MAPK8: variants seen among roughly 807,000 people sequenced by gnomAD.
MAPK8 encodes mitogen-activated protein kinase 8.
A neutral mutation model predicts 52.9 loss-of-function variants in MAPK8; 13 were observed. The observed-to-expected ratio is 0.25, with a 90% confidence interval of 0.16 to 0.39. The LOEUF (loss-of-function observed/expected upper bound fraction) is 0.39, where lower values mean the gene tolerates loss of function less well. Ranked by LOEUF, MAPK8 falls within the 10% of genes least tolerant of loss-of-function variation. The probability of loss-of-function intolerance (pLI) is 1.00; values close to 1 mark genes in which losing one functional copy is unlikely to be tolerated. For missense variants in MAPK8, 300 were observed against 519.2 expected (o/e 0.58, Z 4.10); for synonymous variants, 191 against 169.8 (o/e 1.12, Z -0.97).
chr10:48,368,855 A>G (rs1848300130), intron 1 of MAPK8, among the ~76,000 whole-genome samples: 1 of 152,164 alleles, frequency 6.6e-6, no homozygotes. Flanking sequence ...GTTGTATCGC[A>G]TAGTGTCTTG....
intron 1 of MAPK8, among the ~76,000 whole-genome samples, chr10:48,396,071 A>G (rs552174119): frequency 5.9e-5 from 9 of 152,086 alleles, no homozygotes; most frequent in Non-Finnish European, 1.3e-4. Context: ...TCTTGTACCA[A>G]ATCCATAAAG....
intron 1 of MAPK8, among the ~76,000 whole-genome samples, chr10:48,316,955 T>C (rs971273829): frequency 1.3e-5 from 2 of 152,134 alleles, no homozygotes; most frequent in African/African-American, 2.4e-5. Context: ...TAATGCATAT[T>C]TGGTGCCTAT....
chr10:48,348,961 A>G (rs1225465783), intron 1 of MAPK8, among the ~76,000 whole-genome samples: 1 of 152,122 alleles, frequency 6.6e-6, no homozygotes, highest in Non-Finnish European at 1.5e-5. Context: ...AAAAAAAAAA[A>G]AAAGCAGGGG....
intron 1 of MAPK8, among the ~76,000 whole-genome samples, chr10:48,374,262 A>G (rs1589112603): frequency 6.6e-6 from 1 of 152,310 alleles, no homozygotes; most frequent in East Asian, 1.9e-4. Flanking sequence ...AGGAAAATTT[A>G]TAGCACTAAA....
intron 1 of MAPK8, among the ~76,000 whole-genome samples, chr10:48,309,442 G>A (rs1841756040): frequency 6.6e-6 from 1 of 152,164 alleles, no homozygotes; most frequent in Non-Finnish European, 1.5e-5. Context: ...TAAATGTCCT[G>A]TCCTGGCAGA....
chr10:48,352,839 G>A (rs1671137722), intron 1 of MAPK8, among the ~76,000 whole-genome samples: 1 of 152,172 alleles, frequency 6.6e-6, no homozygotes, highest in Non-Finnish European at 1.5e-5. Flanking sequence ...TTTCGCCTGT[G>A]ACGTGATCAT....
chr10:48,329,653 A>G (rs553295470), intron 1 of MAPK8, among the ~76,000 whole-genome samples: 10 of 152,326 alleles, frequency 6.6e-5, no homozygotes, highest in African/African-American at 2.2e-4. Flanking sequence ...ATTGGTGTAC[A>G]TAGTTACTGC....
At chr10:48,324,530 A>T (rs764017361) in intron 1 of MAPK8, among the ~76,000 whole-genome samples, 15 of 79,410 alleles carry the variant, frequency 1.9e-4, no homozygotes, top group Admixed American at 7.5e-4. Context: ...TACACTCATG[A>T]TATTGGCTTC....
At chr10:48,349,019 A>G (rs1183912414) in intron 1 of MAPK8, among the ~76,000 whole-genome samples, 2 of 152,160 alleles carry the variant, frequency 1.3e-5, no homozygotes, top group African/African-American at 4.8e-5. Context: ...AACAAAGATA[A>G]AAAGACAAAG....
chr10:48,346,450 G>A (rs747465476), intron 1 of MAPK8, among the ~76,000 whole-genome samples: 36 of 152,232 alleles, frequency 2.4e-4, no homozygotes, highest in Non-Finnish European at 4.6e-4. Flanking sequence ...TGGCAGTGAC[G>A]CCAGCGTCTG....
chr10:48,391,117 A>T (rs764138585), intron 1 of MAPK8, among the ~76,000 whole-genome samples: 3 of 152,188 alleles, frequency 2.0e-5, no homozygotes, highest in Admixed American at 2.0e-4. Context: ...AATGAGATAC[A>T]TCAGAGTTTG....
intron 1 of MAPK8, among the ~76,000 whole-genome samples, chr10:48,392,620 T>C (rs773046572): frequency 1.3e-5 from 2 of 152,094 alleles, no homozygotes; most frequent in Non-Finnish European, 2.9e-5. Flanking sequence ...GGAAATAATA[T>C]GCTATCTGAG....
intron 5 of MAPK8, 110 bp downstream of exon 5, chr10:48,410,278 A>G (rs766316796): frequency 1.3e-6 from 1 of 794,114 alleles, no homozygotes; most frequent in Non-Finnish European, 1.8e-6. Context: ...ACAGTGCTGT[A>G]CAACTACCAC....
rs2045103939 is a variant in MAPK8, at chr10:48,439,221, A to G, written c.*4192A>G. On this transcript the variant is annotated 3_prime_UTR_variant, in exon 12 of 12. Coordinates refer to ENST00000374189, the MANE Select transcript of MAPK8 (RefSeq NM_001323329.2). The stretch of plus-strand genomic sequence containing the variant: ...ATGGGGCACTTTTTAGGGAATGCTG[A>G]GATCATTATTGTGGTTTTTCATCAT... 1 of 150,880 alleles carries G rather than the reference A, an allele frequency of 6.6e-6. No individual in the cohort carries two copies. Among genetic ancestry groups the G allele is most frequent in the Admixed American group, 6.6e-5 (1 of 15,054 alleles). 9.3% of individuals were successfully genotyped at this position (150,880 alleles called of 1,614,324 possible).
rs9284 is a variant in MAPK8, at chr10:48,435,527, T to G, written c.*498T>G. The G allele has an allele frequency of 0.5, 76,652 of 152,172 alleles. 19,927 individuals are homozygous for G. The highest frequency in any genetic ancestry group is 0.72 in the Middle Eastern group (212 of 294). 9.4% of individuals were successfully genotyped at this position (152,172 alleles called of 1,614,324 possible). A position where few individuals can be genotyped will look rare whatever the true frequency, so the allele number is the denominator to read the frequency against. Reference sequence around the variant, plus strand: ...CCCCAGAGGAGTGAGGGAAAATAACTTGTAGCCAGTTATATTCAGGAATAA... The same window carrying G: ...CCCCAGAGGAGTGAGGGAAAATAACGTGTAGCCAGTTATATTCAGGAATAA... On this transcript the variant is annotated 3_prime_UTR_variant, in exon 12 of 12. Coordinates refer to ENST00000374189, the MANE Select transcript of MAPK8 (RefSeq NM_001323329.2).
intron 1 of MAPK8, among the ~76,000 whole-genome samples, chr10:48,315,810 TTTTA>T (rs1236900813): frequency 6.6e-6 from 1 of 151,944 alleles, no homozygotes; most frequent in Non-Finnish European, 1.5e-5. Context: ...TTCCTTTGAT[TTTTA>T]CCTCCTCCCT....
chr10:48,416,398 G>C (rs1217354406), intron 5 of MAPK8, among the ~76,000 whole-genome samples: 1 of 152,170 alleles, frequency 6.6e-6, no homozygotes, highest in Non-Finnish European at 1.5e-5. Context: ...AATGTGGGGA[G>C]AGCAGACTTC....
intron 3 of MAPK8, among the ~76,000 whole-genome samples, chr10:48,405,706 A>T (rs2042427683): frequency 6.6e-6 from 1 of 152,224 alleles, no homozygotes; most frequent in Non-Finnish European, 1.5e-5. Context: ...TGTGTAAGGG[A>T]CACTTTTAGG....
intron 1 of MAPK8, among the ~76,000 whole-genome samples, chr10:48,372,915 G>T (rs1354764156): frequency 1.4e-4 from 22 of 151,952 alleles, no homozygotes; most frequent in Admixed American, 1.4e-3. Context: ...GAGAAGAGCA[G>T]CCCCAAGACA....
Sources: gnomAD v4.1 joint callset for allele counts (sites outside exome capture counted in the v4.1 genomes callset) on GRCh38, gnomAD v4.1.1 for gene constraint, MANE v1.5 for transcripts, NCBI Gene and HGNC (gene_info 2026-07-23, HGNC 2026-07-21) for gene names.